The following CNGA4 variants were observed in gnomAD, a reference collection of about 807,000 sequenced individuals.
CNGA4 encodes the protein cyclic nucleotide gated channel subunit alpha 4.
CNGA4 carries 32 observed loss-of-function variants against 45.6 expected under a neutral mutation model. The ratio of observed to expected loss-of-function variants is 0.70; its 90% CI spans 0.53 to 0.94. The LOEUF (loss-of-function observed/expected upper bound fraction) is 0.94, where lower values mean the gene tolerates loss of function less well. Among genes scored for constraint, CNGA4 ranks in the 40% least tolerant of loss-of-function variants. The pLI, the probability that CNGA4 is intolerant of heterozygous loss-of-function variation, is 0.00. For missense variants in CNGA4, 726 were observed against 755.1 expected (o/e 0.96, Z 0.45); for synonymous variants, 293 against 304.6 (o/e 0.96, Z 0.40).
At chr11:6,239,543 C>A in intron 2 of CNGA4, 58 bp downstream of exon 2, 3 of 1,586,156 alleles carry the variant, frequency 1.9e-6, no homozygotes, top group South Asian at 2.2e-5. Context: ...AAAGAGAGGT[C>A]AAGGAGAAGG....
At chr11:6,242,110 A>G in intron 5 of CNGA4, 1 of 423,646 alleles carries the variant, frequency 2.4e-6, no homozygotes, top group Non-Finnish European at 4.2e-6. Context: ...TTACCTGCTT[A>G]CTGCATCCCC....
At chr11:6,241,865 C>T (rs773906674) in intron 5 of CNGA4, 85 bp downstream of exon 5, 39 of 1,248,772 alleles carry the variant, frequency 3.1e-5, no homozygotes, top group Non-Finnish European at 4.4e-5. Flanking sequence ...CCAGATAGTA[C>T]TTCAGGCCTA....
chr11:6,236,618 G>A (rs1440242759), upstream of CNGA4, among the ~76,000 whole-genome samples: 1 of 152,182 alleles, frequency 6.6e-6, no homozygotes, highest in Non-Finnish European at 1.5e-5. Context: ...GAAAAACATT[G>A]ACTGAAAGGG....
Position 6,241,743 on chromosome 11 carries a change from G to C in CNGA4, c.1230G>C (p.Gly410=), listed in dbSNP as rs763915341. 4 of 1,614,074 alleles carry C rather than the reference G, an allele frequency of 2.5e-6. No homozygotes were observed. The highest frequency in any genetic ancestry group is 3.4e-6 in the Non-Finnish European group (4 of 1,180,036). The change falls in exon 5 of 6, where the codon GGG becomes GGC. Residue 410 remains glycine, a synonymous_variant. Transcript: ENST00000379936. ...CACAGTATGCTGTGCTCGGTGCAGG[G>C]CTCTACTTTGGGGAGATCAGCATCA... is the stretch of plus-strand genomic sequence containing the variant. ...GITQYAVLGA[G]LYFGEISIIN...
chr11:6,243,878 G>A, intron 5 of CNGA4, 71 bp from the exon 6 acceptor site: 4 of 1,394,426 alleles, frequency 2.9e-6, no homozygotes, highest in Non-Finnish European at 3.9e-6. Flanking sequence ...TGAAGGTCCT[G>A]GTTCAGGAGT....
chr11:6,235,522 G>A (rs891148965), upstream of CNGA4: 2 of 985,332 alleles, frequency 2.0e-6, no homozygotes, highest in African/African-American at 3.5e-5. Flanking sequence ...AGGAAGGTAC[G>A]GTGAAGGAGC....
chr11:6,242,965 C>A (rs1374118953), intron 5 of CNGA4, among the ~76,000 whole-genome samples: 1 of 152,212 alleles, frequency 6.6e-6, no homozygotes, highest in Non-Finnish European at 1.5e-5. Context: ...CAGCATAAGG[C>A]CTGAACTTCA....
chr11:6,243,636 G>A (rs325705), intron 5 of CNGA4, among the ~76,000 whole-genome samples: 77,881 of 151,986 alleles, frequency 0.51, 20,253 homozygotes, highest in East Asian at 0.69. Context: ...CCTGCCTTAC[G>A]GTTTGGTAGG....
chr11:6,239,778 C>G lies in CNGA4; in HGVS notation c.259C>G (p.Arg87Gly). 6.2e-7 allele frequency: 1 copy of G among 1,613,310 alleles called. No homozygotes were observed. The highest frequency in any genetic ancestry group is 8.5e-7 in the Non-Finnish European group (1 of 1,179,490). ...GCTATACCTACTAGACATGGTGGTG[C>G]GCTTCCACACAGGTCAGTGGGCTTC... ...DLLYLLDMVV[R>G]FHTGFLEQGI... The change falls in exon 3 of 6, where the codon CGC (arginine) becomes GGC (glycine). Residue 87 changes from arginine to glycine, a missense_variant. By Grantham distance (125) the Arg-to-Gly change is moderately radical (BLOSUM62 -2). Coordinates refer to ENST00000379936, the MANE Select transcript of CNGA4 (RefSeq NM_001037329.4).
chr11:6,240,237 C>T lies in CNGA4; in HGVS notation c.443C>T (p.Pro148Leu). The stretch of plus-strand genomic sequence containing the variant: ...AGGCTGAACCGCTTTCTCCGCGCGC[C>T]CCGCCTCTTCGAGGCCTTCGACCGC... Reference protein sequence around the residue: ...TLRLNRFLRAPRLFEAFDRTE... With the variant: ...TLRLNRFLRALRLFEAFDRTE... Residue 148 changes from proline (P) to leucine (L), a missense_variant, in exon 4 of 6, where the codon CCC (proline) becomes CTC (leucine). Coordinates refer to ENST00000379936, the MANE Select transcript of CNGA4 (RefSeq NM_001037329.4). This position sits in a 1 kb window ranked among gnomAD's most constrained non-coding sequence, Gnocchi z 4.9. 1.2e-6 allele frequency: 2 copies of T among 1,614,236 alleles called. No homozygotes were observed. Among genetic ancestry groups the T allele is most frequent in the Non-Finnish European group, 8.5e-7 (1 of 1,180,046 alleles).
At chr11:6,241,957 C>T in intron 5 of CNGA4, 177 bp downstream of exon 5, 1 of 616,618 alleles carries the variant, frequency 1.6e-6, no homozygotes, top group South Asian at 2.0e-5. Flanking sequence ...GATCCATTCC[C>T]TGAGAAGAAG....
At position 6,240,722 on chromosome 11, in the gene CNGA4, G is replaced by A. The variant is rs1847906077; in HGVS notation, c.917+11G>A. The stretch of plus-strand genomic sequence containing the variant: ...GCGAGTTATTGACTGGTGAGAAGGC[G>A]GGGTTCCAGACCAGGACAGGGACCA... On this transcript the variant is annotated intron_variant, in intron 4 of 5. Coordinates refer to ENST00000379936, the MANE Select transcript of CNGA4 (RefSeq NM_001037329.4). This position sits in a 1 kb window ranked among gnomAD's most constrained non-coding sequence, Gnocchi z 4.9. 2.5e-6 allele frequency: 4 copies of A among 1,608,316 alleles called. No homozygotes were observed. Among genetic ancestry groups the A allele is most frequent in the Admixed American group, 3.3e-5 (2 of 59,828 alleles).
chr11:6,239,942 G>A (rs1417519684), intron 3 of CNGA4, 124 bp from the exon 4 acceptor site: 7 of 1,407,104 alleles, frequency 5.0e-6, no homozygotes, highest in Non-Finnish European at 5.8e-6. Context: ...GGAAAGCCGG[G>A]AGCAGAGTTA....
chr11:6,240,208 C>T lies in CNGA4; in HGVS notation c.414C>T (p.Thr138=). Residue 138 remains threonine, a synonymous_variant, in exon 4 of 6, where the codon ACC becomes ACT. Transcript: ENST00000379936. This position sits in a 1 kb window ranked among gnomAD's most constrained non-coding sequence, Gnocchi z 4.9. The part of the protein sequence containing the change: ...VYVRLGPHTP[T]LRLNRFLRAP... ...TGCGGCTGGGCCCGCACACACCCAC[C>T]CTGAGGCTGAACCGCTTTCTCCGCG... 6.2e-7 allele frequency: 1 copy of T among 1,614,248 alleles called. No homozygotes were observed. The highest frequency in any genetic ancestry group is 8.5e-7 in the Non-Finnish European group (1 of 1,180,054).
rs771435369 is a variant in CNGA4 at position 6,243,972 on chromosome 11, A to G, written c.1291A>G (p.Thr431Ala). 1.2e-6 allele frequency: 2 copies of G among 1,613,860 alleles called. No homozygotes were observed. Among genetic ancestry groups the G allele is most frequent in the Admixed American group, 3.3e-5 (2 of 60,022 alleles). Residue 431 changes from threonine (T) to alanine (A), a missense_variant, in exon 6 of 6, where the codon ACA (threonine) becomes GCA (alanine). Thr to Ala is a moderately conservative substitution (Grantham distance 58). Coordinates refer to ENST00000379936, the MANE Select transcript of CNGA4 (RefSeq NM_001037329.4). ...AGGGAACATGTCTGGGAACCGCCGC[A>G]CAGCCAACATCAAGAGCCTAGGTTA... Reference protein sequence around the residue: ...IKGNMSGNRRTANIKSLGYSD... With the variant: ...IKGNMSGNRRAANIKSLGYSD...
chr11:6,237,903 C>T (rs1847858288), upstream of CNGA4, among the ~76,000 whole-genome samples: 2 of 152,172 alleles, frequency 1.3e-5, no homozygotes, highest in South Asian at 4.1e-4. Flanking sequence ...GCTGACAGAA[C>T]TCCTCCTGAG....
Position 6,240,343 on chromosome 11 carries a change from C to CAGCT in CNGA4, c.550_553dup (p.Cys185Ter). 1 of 1,614,236 alleles carries CAGCT rather than the reference C, an allele frequency of 6.2e-7. No individual in the cohort carries two copies. The highest frequency in any genetic ancestry group is 8.5e-7 in the Non-Finnish European group (1 of 1,180,038). ...ACATTTTTGTCGTCATCCATTGGAA[C>CAGCT]AGCTGCCTATACTTTGCCCTATCCC... On this transcript the variant is annotated frameshift_variant, in exon 4 of 6. Coordinates refer to ENST00000379936, the MANE Select transcript of CNGA4 (RefSeq NM_001037329.4). LOFTEE classifies it high-confidence loss of function. This position sits in a 1 kb window ranked among gnomAD's most constrained non-coding sequence, Gnocchi z 4.9.
chr11:6,240,977 G>A lies in CNGA4; in HGVS notation c.917+266G>A, dbSNP rs2133876808. ...ATATGGAGACCAGGGAATGGGAAGT[G>A]CCACTGCCTGGTAGGGCTCAGAAGG... On this transcript the variant is annotated intron_variant, in intron 4 of 5. Coordinates refer to ENST00000379936, the MANE Select transcript of CNGA4 (RefSeq NM_001037329.4). The surrounding 1 kb of genome is among the most constrained non-coding windows in gnomAD (Gnocchi z 4.9). 6.6e-6 allele frequency among the ~76,000 whole-genome samples: 1 copy of A among 152,328 alleles called. No homozygotes were observed. The highest frequency in any genetic ancestry group is 2.1e-4 in the South Asian group (1 of 4,832).
In CNGA4 at chr11:6,240,643, T is replaced by G; in HGVS notation, c.849T>G (p.His283Gln). The G allele has an allele frequency of 6.2e-7, 1 of 1,614,190 alleles. No individual in the cohort carries two copies. The highest frequency in any genetic ancestry group is 8.5e-7 in the Non-Finnish European group (1 of 1,180,042). ...NTADAAFYPDHALVKKYMKLQ... is the reference protein window; with the variant it reads ...NTADAAFYPDQALVKKYMKLQ... ...CAGATGCGGCTTTCTACCCAGATCA[T>G]GCACTGGTGAAGAAGTACATGAAGC... The change falls in exon 4 of 6, where the codon CAT becomes CAG. Residue 283 changes from histidine (H) to glutamine (Q), a missense_variant. By Grantham distance (24) the His-to-Gln change is conservative (BLOSUM62 0). Transcript: ENST00000379936. This position sits in a 1 kb window ranked among gnomAD's most constrained non-coding sequence, Gnocchi z 4.9.
Sources: allele counts gnomAD v4.1 joint callset (sites outside exome capture counted in the v4.1 genomes callset), GRCh38; gene constraint gnomAD v4.1.1; non-coding constraint Gnocchi (gnomAD v3.1); transcripts MANE v1.5; gene names NCBI Gene and HGNC (gene_info 2026-07-23, HGNC 2026-07-21).